Variants in KHDC1 observed in about 807,000 individuals in gnomAD.
The protein encoded by KHDC1 is KH homology domain-containing protein 1.
In KHDC1, 21 loss-of-function variants were observed where a neutral mutation model predicts 24.7. That is an observed-to-expected ratio of 0.85 (90% CI 0.60 to 1.23). The LOEUF (loss-of-function observed/expected upper bound fraction) is 1.23. Among genes scored for constraint, KHDC1 ranks in the 50% most tolerant of loss-of-function variants. The pLI, the probability that KHDC1 is intolerant of heterozygous loss-of-function variation, is 0.00. For synonymous variants in KHDC1, 98 were observed against 111.7 expected, an observed-to-expected ratio of 0.88 and a Z score of 0.77; for missense variants, 274 against 298.5, an observed-to-expected ratio of 0.92 and a Z score of 0.61.
At chr6:73,279,635 G>T (rs1251972523) in intron 2 of KHDC1, among the ~76,000 whole-genome samples, 10 of 139,574 alleles carry the variant, frequency 7.2e-5, no homozygotes, top group African/African-American at 2.7e-4. Flanking sequence ...AGGCTGGAGT[G>T]CAGTGGCGAA....
intron 1 of KHDC1, among the ~76,000 whole-genome samples, chr6:73,302,255 C>T (rs1174643915): frequency 6.6e-6 from 1 of 152,130 alleles, no homozygotes; most frequent in Non-Finnish European, 1.5e-5. Flanking sequence ...TGCCATTGCA[C>T]TCCAGCCTGA....
intron 2 of KHDC1, among the ~76,000 whole-genome samples, chr6:73,264,000 A>T (rs1161676286): frequency 1.3e-5 from 2 of 152,104 alleles, no homozygotes; most frequent in African/African-American, 4.8e-5. Context: ...GGAGTTCGAA[A>T]CCAGCTGGGG....
At chr6:73,279,041 T>C (rs901353725) in intron 2 of KHDC1, among the ~76,000 whole-genome samples, 12 of 152,344 alleles carry the variant, frequency 7.9e-5, no homozygotes, top group African/African-American at 2.2e-4. Context: ...AAACACTAGA[T>C]GATTGACTGT....
intron 2 of KHDC1, chr6:73,262,955 G>T (rs1389450693): frequency 7.3e-5 from 72 of 991,830 alleles, no homozygotes; most frequent in Non-Finnish European, 8.6e-5. Context: ...CCACAGGGGG[G>T]TCAGGTAGCC....
intron 2 of KHDC1, among the ~76,000 whole-genome samples, chr6:73,264,237 A>G (rs1427084285): frequency 6.6e-6 from 1 of 152,178 alleles, no homozygotes; most frequent in East Asian, 1.9e-4. Context: ...GGACCTTGCA[A>G]TCTTATCTAG....
intron 2 of KHDC1, chr6:73,274,532 T>G (rs1347884777): frequency 6.6e-6 from 1 of 152,154 alleles, no homozygotes; most frequent in East Asian, 1.9e-4. Context: ...TGGGGGCAGT[T>G]TCCCCCATGC....
intron 2 of KHDC1, among the ~76,000 whole-genome samples, chr6:73,265,284 AT>A (rs1767059192): frequency 6.6e-6 from 1 of 152,300 alleles, no homozygotes; most frequent in East Asian, 1.9e-4. Flanking sequence ...TGAAGAAGGA[AT>A]TCGGTGTACA....
At chr6:73,252,804 G>A (rs1488689499) in intron 2 of KHDC1, among the ~76,000 whole-genome samples, 19 of 150,296 alleles carry the variant, frequency 1.3e-4, no homozygotes, top group Non-Finnish European at 1.9e-4. Flanking sequence ...GCAACAGAGT[G>A]AGACTCTACC....
At chr6:73,271,108 G>A (rs1179618590) in intron 2 of KHDC1, among the ~76,000 whole-genome samples, 7 of 152,026 alleles carry the variant, frequency 4.6e-5, no homozygotes, top group Admixed American at 1.3e-4. Context: ...TAGCTTAGTC[G>A]GTCACAATCA....
At chr6:73,265,834 C>G (rs1294088565) in intron 2 of KHDC1, among the ~76,000 whole-genome samples, 1 of 152,066 alleles carries the variant, frequency 6.6e-6, no homozygotes, top group Admixed American at 6.6e-5. Context: ...TACCTGTAAT[C>G]CTAACATTTT....
intron 2 of KHDC1, among the ~76,000 whole-genome samples, chr6:73,249,075 TC>T (rs1273844098): frequency 6.6e-6 from 1 of 152,140 alleles, no homozygotes; most frequent in African/African-American, 2.4e-5. Context: ...ATGTTGATAA[TC>T]ACTTTCTCAA....
intron 1 of KHDC1, among the ~76,000 whole-genome samples, chr6:73,309,295 A>C (rs1467964611): frequency 2.0e-5 from 3 of 152,210 alleles, no homozygotes; most frequent in African/African-American, 7.2e-5. Context: ...CTAAACCTAC[A>C]GTGCACAAAT....
In KHDC1 at chr6:73,247,641, A is replaced by C. The variant is rs150182076; in HGVS notation, c.207-5111T>G. ...GAGGCTGAGGCAGGCAGATCACCTGAGGTCAGGAGTTCATAGACCAGCCTA... is the reference window on the plus strand; with the variant it reads ...GAGGCTGAGGCAGGCAGATCACCTGCGGTCAGGAGTTCATAGACCAGCCTA... On this transcript the variant is annotated intron_variant, in intron 2 of 4. Transcript: ENST00000370384. 6.0e-3 allele frequency among the ~76,000 whole-genome samples: 912 copies of C among 152,156 alleles called. 7 individuals are homozygous for C. Among genetic ancestry groups the C allele is most frequent in the African/African-American group, 0.021 (857 of 41,490 alleles).
intron 1 of KHDC1, among the ~76,000 whole-genome samples, chr6:73,298,423 A>ATT (rs370446904): frequency 3.3e-5 from 2 of 59,956 alleles, no homozygotes; most frequent in African/African-American, 1.5e-4. Flanking sequence ...TACTTTGCAA[A>ATT]TTTTTTTTTT....
At position 73,242,257 on chromosome 6, in the gene KHDC1, G is replaced by C. The variant is rs1766586547; in HGVS notation, c.332-20C>G. 1 of 1,609,984 alleles carries C rather than the reference G, an allele frequency of 6.2e-7. No homozygotes were observed. Among genetic ancestry groups the C allele is most frequent in the Non-Finnish European group, 8.5e-7 (1 of 1,177,938 alleles). On this transcript the variant is annotated intron_variant, in intron 3 of 4. Coordinates refer to ENST00000370384, the Ensembl canonical transcript of KHDC1. ...CATGCCCTGTGAGCATAAGAGGTGA[G>C]AGGAGGTTCTGTCAAGCACCAGCCC...
At chr6:73,272,856 CTTTTT>C (rs1454736757) in intron 2 of KHDC1, among the ~76,000 whole-genome samples, 1 of 135,276 alleles carries the variant, frequency 7.4e-6, no homozygotes. Flanking sequence ...CTTTTCTTTT[CTTTTT>C]CTTTTTTTTT....
At chr6:73,266,321 C>G (rs1302906536) in intron 2 of KHDC1, among the ~76,000 whole-genome samples, 1 of 152,220 alleles carries the variant, frequency 6.6e-6, no homozygotes, top group Non-Finnish European at 1.5e-5. Context: ...CTTTTTACTA[C>G]ATACCACAGG....
chr6:73,243,303 TCAAC>T (rs1766609675), intron 2 of KHDC1, among the ~76,000 whole-genome samples: 1 of 152,148 alleles, frequency 6.6e-6, no homozygotes, highest in African/African-American at 2.4e-5. Context: ...TAGGGAAGAT[TCAAC>T]TATGCCTGTC....
intron 2 of KHDC1, among the ~76,000 whole-genome samples, chr6:73,256,409 G>C (rs1766881399): frequency 6.6e-6 from 1 of 152,144 alleles, no homozygotes; most frequent in African/African-American, 2.4e-5. Flanking sequence ...TTTATTGGCA[G>C]TCTGTGAACA....
Sources: gnomAD v4.1 joint callset for allele counts (sites outside exome capture counted in the v4.1 genomes callset) on GRCh38, gnomAD v4.1.1 for gene constraint, MANE v1.5 for transcripts, NCBI Gene and HGNC (gene_info 2026-07-23, HGNC 2026-07-21) for gene names.